The following LRBA variants were observed in gnomAD, a reference collection of about 807,000 sequenced individuals.
The protein encoded by LRBA is lipopolysaccharide-responsive and beige-like anchor protein.
A neutral mutation model predicts 330.0 loss-of-function variants in LRBA; 176 were observed. The ratio of observed to expected loss-of-function variants is 0.53; its 90% CI spans 0.47 to 0.60. The LOEUF (loss-of-function observed/expected upper bound fraction) is 0.60. Among genes scored for constraint, LRBA ranks in the 20% least tolerant of loss-of-function variants. The pLI is 0.00. For missense variants in LRBA, 3,259 were observed against 3,444.8 expected (o/e 0.95, Z 1.35); for synonymous variants, 1,230 against 1,193.0 (o/e 1.03, Z -0.64).
Position 150,265,723 on chromosome 4 carries a change from C to G in LRBA, c.8558G>C (p.Ter2853SerextTer2). The G allele has an allele frequency of 6.2e-7, 1 of 1,604,564 alleles. No homozygotes were observed. The highest frequency in any genetic ancestry group is 8.5e-7 in the Non-Finnish European group (1 of 1,171,304). The change falls in exon 57 of 57, where the codon TGA (stop) becomes TCA (serine). Residue 2853 changes from the stop codon to serine, a stop_lost. Coordinates refer to ENST00000651943, the MANE Select transcript of LRBA (RefSeq NM_001364905.1). The part of the protein sequence containing the change: ...RWHHEYQTRY[*>S] ...AGAGTTGATGTACAGCTGTCACCAT[C>G]AGTAGCGGGTTTGGTATTCATGATG...
intron 2 of LRBA, among the ~76,000 whole-genome samples, chr4:150,950,837 G>T (rs1216469741): frequency 1.3e-5 from 2 of 152,162 alleles, no homozygotes; most frequent in African/African-American, 4.8e-5. Context: ...ACTTAAGTCA[G>T]GCCTGGCTAA....
intron 56 of LRBA, among the ~76,000 whole-genome samples, chr4:150,269,711 G>T: frequency 6.6e-6 from 1 of 152,284 alleles, no homozygotes; most frequent in Admixed American, 6.5e-5. Context: ...TTGGGTGGCT[G>T]AGTCAGCAGG....
intron 47 of LRBA, among the ~76,000 whole-genome samples, chr4:150,375,450 C>T (rs1282773135): frequency 6.6e-6 from 1 of 151,984 alleles, no homozygotes; most frequent in Non-Finnish European, 1.5e-5. Flanking sequence ...TTGAAACAGT[C>T]TCTCTACTTA....
At chr4:150,729,723 C>T (rs1490036817) in intron 36 of LRBA, among the ~76,000 whole-genome samples, 2 of 152,106 alleles carry the variant, frequency 1.3e-5, no homozygotes, top group African/African-American at 4.8e-5. Flanking sequence ...CTGGAGGAAT[C>T]AGATTATCTG....
At chr4:150,375,461 C>CT (rs1395776656) in intron 47 of LRBA, among the ~76,000 whole-genome samples, 6 of 151,210 alleles carry the variant, frequency 4.0e-5, no homozygotes, top group Non-Finnish European at 7.4e-5. Flanking sequence ...TCTCTACTTA[C>CT]TTTTTTTTTG....
intron 36 of LRBA, among the ~76,000 whole-genome samples, chr4:150,691,578 C>G (rs1415070114): frequency 6.6e-6 from 1 of 152,210 alleles, no homozygotes; most frequent in African/African-American, 2.4e-5. Context: ...ACAACTGGAA[C>G]TCTCATACCT....
chr4:150,744,024 C>A (rs1437926391), intron 35 of LRBA, among the ~76,000 whole-genome samples: 1 of 152,114 alleles, frequency 6.6e-6, no homozygotes, highest in East Asian at 1.9e-4. Flanking sequence ...GAAGTTAATG[C>A]AATTTCTTAT....
In LRBA at chr4:150,339,409, G is replaced by A. The variant is rs138384400; in HGVS notation, c.7362+10583C>T. ...CGCAATTACAAAAGACCTCTGAACA[G>A]CCAAAAACGAAGTCAGTATTCATAT... is the stretch of plus-strand genomic sequence containing the variant. On this transcript the variant is annotated intron_variant, in intron 48 of 56. Coordinates refer to ENST00000651943, the MANE Select transcript of LRBA (RefSeq NM_001364905.1). Among the ~76,000 whole-genome samples the A allele has an allele frequency of 3.4e-3, 510 of 152,234 alleles. 1 individual carries two copies. Among genetic ancestry groups the A allele is most frequent in the Admixed American group, 5.8e-3 (89 of 15,284 alleles).
rs1426465614 is a variant in LRBA, at chr4:150,490,950, T to C, written c.6416A>G (p.Asn2139Ser). The C allele has an allele frequency of 6.2e-7, 1 of 1,609,292 alleles. No individual in the cohort carries two copies. The highest frequency in any genetic ancestry group is 8.5e-7 in the Non-Finnish European group (1 of 1,176,890). ...TGCCATAAAGATCTCCAGGGCTGTA[T>C]TTTGCAAAAGATAACGACGAGAAAA... ...SIFSRRYLLQNTALEIFMANR... is the reference protein window; with the variant it reads ...SIFSRRYLLQSTALEIFMANR... Residue 2139 changes from asparagine (N) to serine (S), a missense_variant, in exon 41 of 57, where the codon AAT becomes AGT. Coordinates refer to ENST00000651943, the MANE Select transcript of LRBA (RefSeq NM_001364905.1).
At chr4:150,305,545 GCAGA>G (rs1247227104) in intron 52 of LRBA, among the ~76,000 whole-genome samples, 1 of 152,082 alleles carries the variant, frequency 6.6e-6, no homozygotes, top group African/African-American at 2.4e-5. Flanking sequence ...GTCTTGTGGG[GCAGA>G]CAGTCATTAA....
chr4:150,864,427 C>T (rs1752412264), intron 22 of LRBA, among the ~76,000 whole-genome samples: 1 of 151,884 alleles, frequency 6.6e-6, no homozygotes, highest in African/African-American at 2.4e-5. Context: ...CAAAACCAAA[C>T]AATAACAAGA....
intron 40 of LRBA, among the ~76,000 whole-genome samples, chr4:150,543,881 A>G (rs761369041): frequency 4.6e-5 from 7 of 152,156 alleles, no homozygotes; most frequent in Non-Finnish European, 8.8e-5. Context: ...TTTTATATAT[A>G]TTAATATGTA....
chr4:150,541,253 T>C (rs1581623937), intron 40 of LRBA, among the ~76,000 whole-genome samples: 1 of 152,274 alleles, frequency 6.6e-6, no homozygotes, highest in East Asian at 1.9e-4. Context: ...CTGAGCTGAG[T>C]CAGCTCCACC....
Position 150,730,438 on chromosome 4 carries a change from T to C in LRBA, c.5754+4820A>G, listed in dbSNP as rs367984206. On this transcript the variant is annotated intron_variant, in intron 36 of 56. Coordinates refer to ENST00000651943, the MANE Select transcript of LRBA (RefSeq NM_001364905.1). ...TGGCTCATGTCTGTAATGCCAGAAC[T>C]TTGGGAGGCCAAAGCAGGCAGATCA... 1.6e-4 allele frequency among the ~76,000 whole-genome samples: 25 copies of C among 152,248 alleles called. No homozygotes were observed. The South Asian group carries it at 3.1e-3, about 19-fold the overall frequency.
At position 150,938,669 on chromosome 4, in the gene LRBA, A is replaced by G. The variant is rs76043903; in HGVS notation, c.217-9604T>C. 4.1e-3 allele frequency among the ~76,000 whole-genome samples: 621 copies of G among 152,288 alleles called. 6 individuals are homozygous for G. Among genetic ancestry groups the G allele is most frequent in the African/African-American group, 0.014 (594 of 41,578 alleles). ...CGCTCCTTCCTACTGCTTAAGATGC[A>G]GAATAGTGGCAAGAGCTACAGTAGC... On this transcript the variant is annotated intron_variant, in intron 2 of 56. Transcript: ENST00000651943.
chr4:150,364,526 A>C lies in LRBA; in HGVS notation c.7195-14367T>G, dbSNP rs377614614. 6.6e-5 allele frequency among the ~76,000 whole-genome samples: 10 copies of C among 152,204 alleles called. No individual in the cohort carries two copies. The East Asian group carries it at 1.3e-3, about 20-fold the overall frequency. On this transcript the variant is annotated intron_variant, in intron 47 of 56. Coordinates refer to ENST00000651943, the MANE Select transcript of LRBA (RefSeq NM_001364905.1). Reference sequence around the variant, plus strand: ...TTTTGAACCAAAGCTGCAATATGAAAACTCTAAAAATATGAAACCACTACA... The same window carrying C: ...TTTTGAACCAAAGCTGCAATATGAACACTCTAAAAATATGAAACCACTACA...
At chr4:150,356,045 C>G (rs1737800355) in intron 47 of LRBA, among the ~76,000 whole-genome samples, 1 of 151,942 alleles carries the variant, frequency 6.6e-6, no homozygotes, top group South Asian at 2.1e-4. Context: ...GATATATGAC[C>G]TTTGTAATTT....
intron 22 of LRBA, among the ~76,000 whole-genome samples, chr4:150,864,002 G>A (rs997789228): frequency 4.6e-5 from 7 of 151,590 alleles, no homozygotes; most frequent in Non-Finnish European, 7.4e-5. Context: ...GCAGTGGTAC[G>A]ATCTCGGCTC....
At chr4:150,538,308 A>T (rs1764902081) in intron 40 of LRBA, among the ~76,000 whole-genome samples, 1 of 152,186 alleles carries the variant, frequency 6.6e-6, no homozygotes, top group Non-Finnish European at 1.5e-5. Flanking sequence ...AAGAAAATAA[A>T]TCATTCTACC....
Sources: gnomAD v4.1 joint callset for allele counts (sites outside exome capture counted in the v4.1 genomes callset) on GRCh38, gnomAD v4.1.1 for gene constraint, MANE v1.5 for transcripts, NCBI Gene and HGNC (gene_info 2026-07-23, HGNC 2026-07-21) for gene names.